Variants in ATP10B observed in about 807,000 individuals in gnomAD.
ATP10B encodes ATPase phospholipid transporting 10B (putative).
In ATP10B, 122 loss-of-function variants were observed where a neutral mutation model predicts 141.2. The ratio of observed to expected loss-of-function variants is 0.86; its 90% CI spans 0.75 to 1.00. The LOEUF (loss-of-function observed/expected upper bound fraction) is 1.00, where lower values mean the gene tolerates loss of function less well. Ranked by LOEUF, ATP10B falls within the 50% of genes least tolerant of loss-of-function variation. The probability of loss-of-function intolerance (pLI) is 0.00; values close to 1 mark genes in which losing one functional copy is unlikely to be tolerated. For synonymous variants in ATP10B, 685 were observed against 692.0 expected, an observed-to-expected ratio of 0.99 and a Z score of 0.16; for missense variants, 1,876 against 1,825.3, an observed-to-expected ratio of 1.03 and a Z score of -0.51.
chr5:160,602,553 G>A (rs200452106), intron 21 of ATP10B, 24 bp downstream of exon 21: 5 of 1,613,116 alleles, frequency 3.1e-6, no homozygotes, highest in Middle Eastern at 1.7e-4. Context: ...AGCCCTGGGT[G>A]AGAGGACGCC....
chr5:160,780,711 C>T (rs939763884), intron 2 of ATP10B, among the ~76,000 whole-genome samples: 2 of 152,076 alleles, frequency 1.3e-5, no homozygotes, highest in African/African-American at 2.4e-5. Context: ...CTTTTAGATT[C>T]CAGCAATTGT....
chr5:160,738,617 G>A (rs974332762), intron 2 of ATP10B, among the ~76,000 whole-genome samples: 2 of 152,128 alleles, frequency 1.3e-5, no homozygotes, highest in South Asian at 2.1e-4. Context: ...ACAACTTTAT[G>A]CAATAAATTT....
chr5:160,594,929 C>T lies in ATP10B; in HGVS notation c.3565-3790G>A, dbSNP rs546228259. ...TGACCTACAAAGAGACTTAGACTCC[C>T]GCACAATAATAGTGGGAGACTTTAA... On this transcript the variant is annotated intron_variant, in intron 22 of 25. Transcript: ENST00000327245. Among the ~76,000 whole-genome samples the T allele has an allele frequency of 1.1e-4, 16 of 152,296 alleles. No individual in the cohort carries two copies. The South Asian group carries it at 1.4e-3, about 14-fold the overall frequency.
At chr5:160,605,058 A>G (rs1757306121) in intron 19 of ATP10B, among the ~76,000 whole-genome samples, 1 of 152,202 alleles carries the variant, frequency 6.6e-6, no homozygotes, top group Non-Finnish European at 1.5e-5. Context: ...ATAGAAAAAT[A>G]ATTCTTAGTA....
rs770023512 is a variant in ATP10B at position 160,606,901 on chromosome 5, C to G, written c.3024G>C (p.Gln1008His). ...IDGKTLNAIF[Q>H]GKLEKKFLEL... ...CCAGAAACTTCTTCTCTAGCTTTCC[C>G]TGGAAGATGGCATTCAATGTCTTCC... is the stretch of plus-strand genomic sequence containing the variant. The change falls in exon 19 of 26, where the codon CAG becomes CAC. Residue 1008 changes from glutamine (Q) to histidine (H), a missense_variant. Gln to His is a conservative substitution (Grantham distance 24). Coordinates refer to ENST00000327245, the MANE Select transcript of ATP10B (RefSeq NM_025153.3). 1 of 1,614,180 alleles carries G rather than the reference C, an allele frequency of 6.2e-7. No homozygotes were observed. The highest frequency in any genetic ancestry group is 1.1e-5 in the South Asian group (1 of 91,078).
At position 160,612,730 on chromosome 5, in the gene ATP10B, A is replaced by G. The variant is rs1201258555; in HGVS notation, c.2838+11T>C. 4 of 1,609,086 alleles carry G rather than the reference A, an allele frequency of 2.5e-6. No homozygotes were observed. The African/African-American group carries it at 4.0e-5, about 16-fold the overall frequency. On this transcript the variant is annotated intron_variant, in intron 18 of 25. Coordinates refer to ENST00000327245, the MANE Select transcript of ATP10B (RefSeq NM_025153.3). ...GATATCTGCAGATATCAATACAGAG[A>G]ATCACCTCACCTGATTCTCTGTATT...
At chr5:160,643,283 C>T (rs1401221833) in intron 9 of ATP10B, among the ~76,000 whole-genome samples, 5 of 152,032 alleles carry the variant, frequency 3.3e-5, no homozygotes, top group African/African-American at 1.2e-4. Flanking sequence ...GAGACCAAAC[C>T]AAACAAAAAA....
At chr5:160,586,885 T>C (rs528243659) in intron 24 of ATP10B, among the ~76,000 whole-genome samples, 1 of 152,350 alleles carries the variant, frequency 6.6e-6, no homozygotes, top group East Asian at 1.9e-4. Context: ...GATGGTTAGA[T>C]TACAAAAATT....
chr5:160,603,741 G>A (rs568427179), intron 20 of ATP10B: 1 of 518,802 alleles, frequency 1.9e-6, no homozygotes, highest in Non-Finnish European at 3.5e-6. Flanking sequence ...GGAAAATTTA[G>A]CAGTCAAGTT....
intron 2 of ATP10B, among the ~76,000 whole-genome samples, chr5:160,754,916 TTA>T (rs2127828335): frequency 6.6e-6 from 1 of 152,298 alleles, no homozygotes; most frequent in Non-Finnish European, 1.5e-5. Flanking sequence ...TGAGGTATAT[TTA>T]AGGTATAATA....
chr5:160,926,919 C>G, the ATP10B span, among the ~76,000 whole-genome samples: 2 of 152,228 alleles, frequency 1.3e-5, no homozygotes, highest in Non-Finnish European at 2.9e-5. Flanking sequence ...GCTTGTGGAG[C>G]TGTGTGCTTT....
chr5:160,783,592 C>T (rs866494507), intron 2 of ATP10B, among the ~76,000 whole-genome samples: 12 of 108,382 alleles, frequency 1.1e-4, no homozygotes, highest in Non-Finnish European at 2.1e-4. Context: ...CACACACACA[C>T]ACACATACAC....
intron 2 of ATP10B, among the ~76,000 whole-genome samples, chr5:160,761,388 TCGCCAGCACCAGC>T (rs1769026197): frequency 3.8e-5 from 1 of 26,558 alleles, no homozygotes; most frequent in African/African-American, 2.9e-4. Context: ...TTGTAGACAT[TCGCCAGCACCAGC>T]CTACATTCGC....
chr5:160,872,048 C>A, the ATP10B span, among the ~76,000 whole-genome samples: 2 of 152,002 alleles, frequency 1.3e-5, no homozygotes, highest in Non-Finnish European at 2.9e-5. Context: ...ACATCTGCAC[C>A]AATATCTACT....
rs572861538 is a variant in ATP10B at position 160,584,078 on chromosome 5, G to GA, written c.3750+5513dup. 4.9e-3 allele frequency among the ~76,000 whole-genome samples: 725 copies of GA among 146,598 alleles called. 5 individuals are homozygous for GA. Among genetic ancestry groups the GA allele is most frequent in the African/African-American group, 0.013 (521 of 39,954 alleles). On this transcript the variant is annotated intron_variant, in intron 24 of 25. Coordinates refer to ENST00000327245, the MANE Select transcript of ATP10B (RefSeq NM_025153.3). ...GCATTCCAGGCACCACTGGGGTATG[G>GA]AAAAAAAAAACAAAACTCCTGCAGC...
At chr5:160,827,230 C>T (rs969041924) in intron 1 of ATP10B, among the ~76,000 whole-genome samples, 7 of 152,184 alleles carry the variant, frequency 4.6e-5, no homozygotes, top group Non-Finnish European at 7.3e-5. Flanking sequence ...ATTTCTCAGC[C>T]GGCCAACACT....
intron 19 of ATP10B, among the ~76,000 whole-genome samples, chr5:160,606,281 T>C (rs1229252922): frequency 6.6e-6 from 1 of 152,208 alleles, no homozygotes; most frequent in East Asian, 1.9e-4. Context: ...ATATGCTTTG[T>C]GCTGGCCTCC....
chr5:160,820,263 T>C (rs1773999007), intron 1 of ATP10B, among the ~76,000 whole-genome samples: 1 of 151,722 alleles, frequency 6.6e-6, no homozygotes, highest in African/African-American at 2.4e-5. Flanking sequence ...TATCAATACA[T>C]TGGAAAATAA....
intron 7 of ATP10B, among the ~76,000 whole-genome samples, chr5:160,657,064 C>T (rs1396338791): frequency 1.3e-5 from 2 of 152,166 alleles, no homozygotes; most frequent in African/African-American, 4.8e-5. Flanking sequence ...CCTGTGTGGA[C>T]TGCTCAGCTG....
Sources: gnomAD v4.1 joint callset for allele counts (sites outside exome capture counted in the v4.1 genomes callset) on GRCh38, gnomAD v4.1.1 for gene constraint, MANE v1.5 for transcripts, NCBI Gene and HGNC (gene_info 2026-07-23, HGNC 2026-07-21) for gene names.